Variants in DCC observed in about 807,000 individuals in gnomAD.
The protein encoded by DCC is netrin receptor DCC.
A neutral mutation model predicts 172.5 loss-of-function variants in DCC; 58 were observed. That is an observed-to-expected ratio of 0.34 (90% CI 0.27 to 0.42). The LOEUF (loss-of-function observed/expected upper bound fraction) is 0.42, where lower values mean the gene tolerates loss of function less well. Ranked by LOEUF, DCC falls within the 10% of genes least tolerant of loss-of-function variation. The pLI is 1.00. For synonymous variants in DCC, 709 were observed against 644.5 expected (o/e 1.10, Z -1.52); for missense variants, 1,740 against 1,791.0 (o/e 0.97, Z 0.51).
chr18:52,793,172 G>T (rs1272554903), intron 2 of DCC, among the ~76,000 whole-genome samples: 1 of 152,188 alleles, frequency 6.6e-6, no homozygotes, highest in African/African-American at 2.4e-5. Flanking sequence ...CCATGGGGAA[G>T]GATTGTCACC....
intron 5 of DCC, among the ~76,000 whole-genome samples, chr18:52,937,386 C>T (rs886853585): frequency 2.6e-5 from 4 of 152,306 alleles, no homozygotes; most frequent in African/African-American, 9.6e-5. Flanking sequence ...CAACCTACTA[C>T]CTCCTCATTC....
intron 1 of DCC, among the ~76,000 whole-genome samples, chr18:52,687,260 C>T (rs535958611): frequency 3.8e-4 from 57 of 149,128 alleles, no homozygotes; most frequent in Non-Finnish European, 7.0e-4. Context: ...CTAGGCTAGT[C>T]GTTAGCTAAC....
At chr18:53,402,936 C>T in intron 19 of DCC, 43 bp downstream of exon 19, 3 of 1,396,874 alleles carry the variant, frequency 2.1e-6, no homozygotes, top group Non-Finnish European at 3.1e-6. Context: ...TCTCCCTTGT[C>T]CTATAATTGC....
intron 14 of DCC, among the ~76,000 whole-genome samples, chr18:53,333,155 A>C (rs2144852868): frequency 6.6e-6 from 1 of 152,348 alleles, no homozygotes. Context: ...GGTGAATAGA[A>C]GTGGTTGTCC....
intron 5 of DCC, among the ~76,000 whole-genome samples, chr18:52,973,781 G>A (rs2145591161): frequency 6.6e-6 from 1 of 152,276 alleles, no homozygotes; most frequent in African/African-American, 2.4e-5. Flanking sequence ...GAGGATGCTA[G>A]ACCTTCAGGA....
intron 12 of DCC, among the ~76,000 whole-genome samples, chr18:53,302,457 T>A (rs1325429867): frequency 6.6e-6 from 1 of 152,228 alleles, no homozygotes; most frequent in African/African-American, 2.4e-5. Context: ...AATTAAACAG[T>A]ATGTACTCTT....
chr18:52,930,281 G>A (rs564135286), intron 5 of DCC, among the ~76,000 whole-genome samples: 1 of 151,994 alleles, frequency 6.6e-6, no homozygotes, highest in Admixed American at 6.6e-5. Context: ...TTTATATTGT[G>A]GAACATTATC....
chr18:53,370,687 T>C lies in DCC; in HGVS notation c.2360-15356T>C, dbSNP rs190673779. Among the ~76,000 whole-genome samples, 88 of 152,008 alleles carry C rather than the reference T, an allele frequency of 5.8e-4. 2 individuals carry two copies. The highest frequency in any genetic ancestry group is 5.7e-3 in the Admixed American group (87 of 15,248). ...TGATTTTCCAGTTTTACTTCTGTTA[T>C]TGATTTATAACTTCATCCCATTACG... On this transcript the variant is annotated intron_variant, in intron 15 of 28. Transcript: ENST00000442544.
chr18:53,318,821 A>G (rs1013909227), intron 13 of DCC, among the ~76,000 whole-genome samples: 2 of 148,530 alleles, frequency 1.3e-5, no homozygotes, highest in Non-Finnish European at 3.0e-5. Context: ...CAGATTCACC[A>G]AGGTTAAAAT....
At chr18:52,511,615 C>T (rs986754023) in intron 1 of DCC, among the ~76,000 whole-genome samples, 2 of 152,064 alleles carry the variant, frequency 1.3e-5, no homozygotes, top group Non-Finnish European at 2.9e-5. Flanking sequence ...GCTAAACCTC[C>T]TACAATGCAC....
intron 16 of DCC, among the ~76,000 whole-genome samples, chr18:53,386,850 G>A (rs1190558496): frequency 2.0e-5 from 3 of 152,206 alleles, no homozygotes; most frequent in Non-Finnish European, 4.4e-5. Context: ...GTTAGCATGT[G>A]TAGGCTTAGT....
chr18:52,398,525 T>C (rs1986318609), intron 1 of DCC, among the ~76,000 whole-genome samples: 2 of 151,990 alleles, frequency 1.3e-5, no homozygotes, highest in African/African-American at 4.8e-5. Flanking sequence ...TTCAATCATC[T>C]CTCATTTTAC....
chr18:53,442,165 C>T (rs1032325415), intron 22 of DCC, among the ~76,000 whole-genome samples: 3 of 152,142 alleles, frequency 2.0e-5, no homozygotes, highest in Non-Finnish European at 4.4e-5. Flanking sequence ...TTTATACAGG[C>T]ATCCTTCCTT....
intron 12 of DCC, among the ~76,000 whole-genome samples, chr18:53,262,279 A>T (rs2056615750): frequency 6.6e-6 from 1 of 152,166 alleles, no homozygotes; most frequent in African/African-American, 2.4e-5. Flanking sequence ...TTTTCCTCGT[A>T]GCCTAAAATC....
intron 7 of DCC, among the ~76,000 whole-genome samples, chr18:53,101,904 C>T (rs2043179191): frequency 6.6e-6 from 1 of 151,768 alleles, no homozygotes; most frequent in Admixed American, 6.6e-5. Context: ...CCCAAGTGCC[C>T]CACTGACCCA....
Position 52,515,478 on chromosome 18 carries a change from G to A in DCC, c.91+174600G>A, listed in dbSNP as rs564513897. Reference sequence around the variant, plus strand: ...AAAAATTATCCGGGTGCAGTGGCAGGCGCCTGTAGTCCCAGCTACTCGGGA... The same window carrying A: ...AAAAATTATCCGGGTGCAGTGGCAGACGCCTGTAGTCCCAGCTACTCGGGA... On this transcript the variant is annotated intron_variant, in intron 1 of 28. Coordinates refer to ENST00000442544, the MANE Select transcript of DCC (RefSeq NM_005215.4). 2.5e-3 allele frequency among the ~76,000 whole-genome samples: 378 copies of A among 150,912 alleles called. 1 individual carries two copies. Among genetic ancestry groups the A allele is most frequent in the African/African-American group, 8.9e-3 (366 of 41,170 alleles).
At chr18:53,116,354 T>G (rs1598817836) in intron 7 of DCC, among the ~76,000 whole-genome samples, 1 of 151,736 alleles carries the variant, frequency 6.6e-6, no homozygotes, top group Non-Finnish European at 1.5e-5. Context: ...ATACGCCTTA[T>G]GTAAATGGAG....
At chr18:52,493,075 A>T (rs893853311) in intron 1 of DCC, among the ~76,000 whole-genome samples, 1 of 152,100 alleles carries the variant, frequency 6.6e-6, no homozygotes, top group African/African-American at 2.4e-5. Context: ...GTCAGATTAG[A>T]AGATAAACCA....
chr18:53,382,559 CAT>C (rs1277205775), intron 15 of DCC, among the ~76,000 whole-genome samples: 2 of 152,038 alleles, frequency 1.3e-5, no homozygotes, highest in Non-Finnish European at 2.9e-5. Flanking sequence ...AGCTATATCA[CAT>C]ACTTTATTGT....
Sources: allele counts gnomAD v4.1 joint callset (sites outside exome capture counted in the v4.1 genomes callset), GRCh38; gene constraint gnomAD v4.1.1; transcripts MANE v1.5; gene names NCBI Gene and HGNC (gene_info 2026-07-23, HGNC 2026-07-21).